Variants in KLHL22 observed in about 807,000 individuals in gnomAD.
KLHL22 encodes the protein kelch like family member 22.
In KLHL22, 18 loss-of-function variants were observed where a neutral mutation model predicts 60.7. That is an observed-to-expected ratio of 0.30 (90% CI 0.20 to 0.44). The LOEUF (loss-of-function observed/expected upper bound fraction) is 0.44. Among genes scored for constraint, KLHL22 ranks in the 20% least tolerant of loss-of-function variants. KLHL22 has a pLI of 1.00. For missense variants in KLHL22, 596 were observed against 852.3 expected (o/e 0.70, Z 3.74); for synonymous variants, 355 against 354.5 (o/e 1.00, Z -0.01).
intron 6 of KLHL22, among the ~76,000 whole-genome samples, chr22:20,443,568 G>A (rs907032620): frequency 6.6e-6 from 1 of 151,842 alleles, no homozygotes; most frequent in Admixed American, 6.6e-5. Flanking sequence ...GTGAAACCTC[G>A]TCTCTACTAA....
chr22:20,462,086 C>T (rs1007502931), intron 4 of KLHL22, among the ~76,000 whole-genome samples: 2 of 149,770 alleles, frequency 1.3e-5, no homozygotes, highest in East Asian at 2.0e-4. Context: ...CAGAAAACAG[C>T]GAGACTCCAT....
rs191976837 is a variant in KLHL22 at position 20,476,896 on chromosome 22, A to C, written c.228-5381T>G. Among the ~76,000 whole-genome samples the C allele has an allele frequency of 3.3e-4, 49 of 150,282 alleles. No individual in the cohort carries two copies. The East Asian group carries it at 9.9e-3, about 30-fold the overall frequency. The stretch of plus-strand genomic sequence containing the variant: ...GCTATTTTGTATTTTTAGTAGAGAC[A>C]GGGTTTCACCATGTTGGTCAGACTG... On this transcript the variant is annotated intron_variant, in intron 2 of 6. Transcript: ENST00000328879.
intron 3 of KLHL22, among the ~76,000 whole-genome samples, chr22:20,470,093 C>T (rs747368493): frequency 2.0e-5 from 3 of 152,044 alleles, no homozygotes; most frequent in Non-Finnish European, 4.4e-5. Context: ...AATCCCAGAA[C>T]TTTGGGAAGC....
At chr22:20,458,271 C>G (rs73156954) in intron 4 of KLHL22, among the ~76,000 whole-genome samples, 1 of 131,354 alleles carries the variant, frequency 7.6e-6, no homozygotes, top group Non-Finnish European at 1.6e-5. Context: ...TGTCCAATGG[C>G]TCTTTTTTTT....
chr22:20,484,894 C>T (rs889897584), intron 2 of KLHL22, among the ~76,000 whole-genome samples: 2 of 152,014 alleles, frequency 1.3e-5, no homozygotes, highest in African/African-American at 4.8e-5. Context: ...CGCCACCATG[C>T]CCAGCTAATT....
intron 5 of KLHL22, among the ~76,000 whole-genome samples, chr22:20,454,918 G>A (rs905012602): frequency 1.3e-5 from 2 of 152,084 alleles, no homozygotes; most frequent in African/African-American, 4.8e-5. Context: ...GTCTTGCTCT[G>A]TTGCCCAGGC....
chr22:20,442,575 G>T, intron 6 of KLHL22, 137 bp from the exon 7 acceptor site: 1 of 1,105,296 alleles, frequency 9.0e-7, no homozygotes, highest in Non-Finnish European at 1.2e-6. Context: ...ATGGCACAGG[G>T]CCAGTGTTGA....
chr22:20,483,987 T>C, intron 2 of KLHL22: 1 of 704,454 alleles, frequency 1.4e-6, no homozygotes, highest in Non-Finnish European at 2.6e-6. Context: ...ACCAGAGCCC[T>C]CGGTGCCTGC....
At chr22:20,461,549 T>C (rs1601344398) in intron 4 of KLHL22, among the ~76,000 whole-genome samples, 2 of 24,204 alleles carry the variant, frequency 8.3e-5, no homozygotes, top group African/African-American at 2.0e-4. Flanking sequence ...AGACTCCAAC[T>C]CAAAAAAAAA....
At chr22:20,483,976 A>C in intron 2 of KLHL22, 1 of 697,778 alleles carries the variant, frequency 1.4e-6, no homozygotes. Flanking sequence ...AAGATCCAGG[A>C]ACCAGAGCCC....
At chr22:20,475,994 T>C (rs1244859856) in intron 2 of KLHL22, among the ~76,000 whole-genome samples, 2 of 152,198 alleles carry the variant, frequency 1.3e-5, no homozygotes, top group South Asian at 2.1e-4. Context: ...GTTTCTGTAA[T>C]TGCCCCAAAT....
At chr22:20,457,569 G>C (rs1046885181) in intron 5 of KLHL22, among the ~76,000 whole-genome samples, 1 of 152,180 alleles carries the variant, frequency 6.6e-6, no homozygotes, top group Non-Finnish European at 1.5e-5. Flanking sequence ...CTCACAAGTG[G>C]GGCACAATTC....
intron 5 of KLHL22, among the ~76,000 whole-genome samples, chr22:20,449,369 C>T (rs2052936793): frequency 6.7e-6 from 1 of 149,414 alleles, no homozygotes; most frequent in South Asian, 2.1e-4. Context: ...TTCTTTTGCC[C>T]TCTTTTTAAT....
chr22:20,476,711 C>A (rs1241449816), intron 2 of KLHL22, among the ~76,000 whole-genome samples: 2 of 139,346 alleles, frequency 1.4e-5, no homozygotes, highest in Non-Finnish European at 3.1e-5. Flanking sequence ...CCACGCCCGG[C>A]CTTTTTTTTT....
At chr22:20,456,162 C>T (rs1362225109) in intron 5 of KLHL22, 2 of 152,188 alleles carry the variant, frequency 1.3e-5, no homozygotes, top group East Asian at 3.9e-4. Context: ...TAGATTCATC[C>T]TACCAGAGCC....
rs1393247264 is a variant in KLHL22 at position 20,464,959 on chromosome 22, G to C, written c.1011C>G (p.Pro337=). ...CCGCGATGCCCTGGTTGGACATGCGGGGGGCCAGGGAGGCAGTGAAGTGCT... is the reference window on the plus strand; with the variant it reads ...CCGCGATGCCCTGGTTGGACATGCGCGGGGCCAGGGAGGCAGTGAAGTGCT... ...EWKHFTASLA[P]RMSNQGIAVL... The change falls in exon 4 of 7, where the codon CCC becomes CCG. Residue 337 remains proline (P), a synonymous_variant. Coordinates refer to ENST00000328879, the MANE Select transcript of KLHL22 (RefSeq NM_032775.4). 3.1e-6 allele frequency: 5 copies of C among 1,608,010 alleles called. No homozygotes were observed. Among genetic ancestry groups the C allele is most frequent in the African/African-American group, 2.7e-5 (2 of 74,808 alleles).
At chr22:20,487,557 CCT>C (rs1173360379) in intron 2 of KLHL22, among the ~76,000 whole-genome samples, 1 of 152,034 alleles carries the variant, frequency 6.6e-6, no homozygotes, top group East Asian at 1.9e-4. Flanking sequence ...CACACACCCC[CCT>C]GTGAAATGAC....
At chr22:20,484,189 C>T (rs915021775) in intron 2 of KLHL22, 7 of 516,148 alleles carry the variant, frequency 1.4e-5, no homozygotes, top group Non-Finnish European at 2.3e-5. Flanking sequence ...GACGGGGTTT[C>T]GCCATGTTGG....
At chr22:20,485,718 A>C (rs1415361032) in intron 2 of KLHL22, among the ~76,000 whole-genome samples, 2 of 152,006 alleles carry the variant, frequency 1.3e-5, no homozygotes, top group African/African-American at 2.4e-5. Context: ...AAATACAAAA[A>C]TTAGCCGGGT....
Sources: gnomAD v4.1 joint callset for allele counts (sites outside exome capture counted in the v4.1 genomes callset) on GRCh38, gnomAD v4.1.1 for gene constraint, MANE v1.5 for transcripts, NCBI Gene and HGNC (gene_info 2026-07-23, HGNC 2026-07-21) for gene names.